The following TAF2 variants were observed in gnomAD, a reference collection of about 807,000 sequenced individuals.
TAF2 encodes the protein TATA-box binding protein associated factor 2.
Under a neutral mutation model 138.5 loss-of-function variants are expected in TAF2, and 61 were observed. The ratio of observed to expected loss-of-function variants is 0.44; its 90% CI spans 0.36 to 0.54. The LOEUF (loss-of-function observed/expected upper bound fraction) is 0.54, where lower values mean the gene tolerates loss of function less well. Among genes scored for constraint, TAF2 ranks in the 20% least tolerant of loss-of-function variants. The probability of loss-of-function intolerance (pLI) is 0.00; values close to 1 mark genes in which losing one functional copy is unlikely to be tolerated. For synonymous variants in TAF2, 475 were observed against 469.9 expected (o/e 1.01, Z -0.14); for missense variants, 1,090 against 1,427.9 (o/e 0.76, Z 3.81).
chr8:119,805,177 G>A (rs938514209), intron 4 of TAF2, among the ~76,000 whole-genome samples: 2 of 152,134 alleles, frequency 1.3e-5, no homozygotes, highest in Non-Finnish European at 2.9e-5. Context: ...AAGACACAAA[G>A]AAGGTTTAAA....
At chr8:119,784,389 T>C (rs1822879316) in intron 15 of TAF2, among the ~76,000 whole-genome samples, 1 of 152,062 alleles carries the variant, frequency 6.6e-6, no homozygotes, top group Non-Finnish European at 1.5e-5. Flanking sequence ...ACCCCATCTC[T>C]ACTAACAATA....
intron 10 of TAF2, among the ~76,000 whole-genome samples, chr8:119,792,483 G>A (rs1241236684): frequency 1.3e-5 from 2 of 152,076 alleles, no homozygotes; most frequent in Non-Finnish European, 2.9e-5. Flanking sequence ...ATACCTAGAA[G>A]AATTGCTGGA....
intron 25 of TAF2, among the ~76,000 whole-genome samples, chr8:119,732,962 T>C (rs1168925390): frequency 2.0e-5 from 3 of 152,148 alleles, no homozygotes. Context: ...AGCCCATTTA[T>C]ATGTGAACTT....
intron 17 of TAF2, among the ~76,000 whole-genome samples, chr8:119,779,219 G>A (rs1329506308): frequency 1.4e-5 from 2 of 146,184 alleles, no homozygotes; most frequent in Admixed American, 6.9e-5. Context: ...GTAGCTAACA[G>A]GAAAAAATAC....
chr8:119,810,994 G>T (rs1825014973), intron 3 of TAF2, among the ~76,000 whole-genome samples: 1 of 152,086 alleles, frequency 6.6e-6, no homozygotes, highest in African/African-American at 2.4e-5. Flanking sequence ...CAAATCAAAT[G>T]TTTTCTTTCA....
At chr8:119,781,024 C>T (rs776725973) in intron 17 of TAF2, 29 bp downstream of exon 17, 2 of 1,598,822 alleles carry the variant, frequency 1.3e-6, no homozygotes, top group African/African-American at 2.7e-5. Context: ...TATATAAAAA[C>T]CATGAGAAAA....
At position 119,762,573 on chromosome 8, in the gene TAF2, A is replaced by T. The variant is rs760788674; in HGVS notation, c.2400T>A (p.Asp800Glu). 6.2e-7 allele frequency: 1 copy of T among 1,613,664 alleles called. No individual in the cohort carries two copies. Among genetic ancestry groups the T allele is most frequent in the Admixed American group, 1.7e-5 (1 of 60,022 alleles). ...CAGGTGTAACAGAGTTGGCCAGGGCATCAATCATTTCTGCACGATAATAGT... is the reference window on the plus strand; with the variant it reads ...CAGGTGTAACAGAGTTGGCCAGGGCTTCAATCATTTCTGCACGATAATAGT... The part of the protein sequence containing the change: ...SDNYYRAEMI[D>E]ALANSVTPAV... Residue 800 changes from aspartate (D) to glutamate (E), a missense_variant, in exon 19 of 26, where the codon GAT (aspartate) becomes GAA (glutamate). Coordinates refer to ENST00000378164, the MANE Select transcript of TAF2 (RefSeq NM_003184.4).
Position 119,758,085 on chromosome 8 carries a change from A to G in TAF2, c.2756T>C (p.Val919Ala). The stretch of plus-strand genomic sequence containing the variant: ...CACATAAACTAACCTTACATAGGGT[A>G]CAGGGTCATTCTGAATCATATTAAG... ...WLLNMIQNDP[V>A]PYVRHKILNM... The change falls in exon 21 of 26, where the codon GTA becomes GCA. Residue 919 changes from valine (V) to alanine (A), a missense_variant. Around this residue, in one of 3 missense-constraint regions of TAF2, gnomAD observed 580 missense variants for 719.6 expected, o/e 0.81. Coordinates refer to ENST00000378164, the MANE Select transcript of TAF2 (RefSeq NM_003184.4). 1 of 1,613,360 alleles carries G rather than the reference A, an allele frequency of 6.2e-7. No individual in the cohort carries two copies. Among genetic ancestry groups the G allele is most frequent in the Non-Finnish European group, 8.5e-7 (1 of 1,179,588 alleles).
chr8:119,797,525 A>G (rs1228756963), intron 7 of TAF2, 137 bp downstream of exon 7: 1 of 893,620 alleles, frequency 1.1e-6, no homozygotes, highest in Non-Finnish European at 1.7e-6. Flanking sequence ...TTTTAAAACC[A>G]AATTTTGTAC....
At chr8:119,746,140 G>A (rs994991184) in intron 23 of TAF2, among the ~76,000 whole-genome samples, 2 of 152,034 alleles carry the variant, frequency 1.3e-5, no homozygotes, top group Non-Finnish European at 1.5e-5. Context: ...GGGAGGCCAC[G>A]GTGGGTGGAT....
rs58444614 is a variant in TAF2, at chr8:119,745,795, A to ATGTGTGTGTG, written c.3108+900_3108+909dup. Among the ~76,000 whole-genome samples the ATGTGTGTGTG allele has an allele frequency of 1.5e-4, 22 of 143,566 alleles. 1 individual carries two copies. Among genetic ancestry groups the ATGTGTGTGTG allele is most frequent in the East Asian group, 6.5e-4 (3 of 4,606 alleles). The allele number at this position is 143,566 out of a possible 152,430, so 94.2% of individuals were successfully genotyped here. A position where few individuals can be genotyped will look rare whatever the true frequency, so the allele number is the denominator to read the frequency against. The stretch of plus-strand genomic sequence containing the variant: ...TAAAAGCTTCTCTAAAGGCAAACGA[A>ATGTGTGTGTG]TGTGTGTGTGTGTGTGTGTGTGTGT... On this transcript the variant is annotated intron_variant, in intron 23 of 25. Coordinates refer to ENST00000378164, the MANE Select transcript of TAF2 (RefSeq NM_003184.4).
chr8:119,830,840 T>C (rs533618796), intron 2 of TAF2, among the ~76,000 whole-genome samples: 16 of 152,216 alleles, frequency 1.1e-4, no homozygotes, highest in Non-Finnish European at 1.8e-4. Context: ...GTGCAGTGGT[T>C]CATGCCTGTA....
Position 119,760,608 on chromosome 8 carries a change from A to C in TAF2, c.2689T>G (p.Tyr897Asp). 6.2e-7 allele frequency: 1 copy of C among 1,613,312 alleles called. No homozygotes were observed. The highest frequency in any genetic ancestry group is 8.5e-7 in the Non-Finnish European group (1 of 1,179,910). Residue 897 changes from tyrosine to aspartate, a missense_variant, in exon 20 of 26, where the codon TAT becomes GAT. Physicochemically the swap from Tyr to Asp is radical, Grantham distance 160. Around this residue, in one of 3 missense-constraint regions of TAF2, gnomAD observed 580 missense variants for 719.6 expected, o/e 0.81. Coordinates refer to ENST00000378164, the MANE Select transcript of TAF2 (RefSeq NM_003184.4). ...ATTTCTAAAGTATTACCTTTAGTAT[A>C]ATCAACAACTGCTTCCAAAGCTGCT... ...RIAALEAVVD[Y>D]TKVDRSYEEL...
chr8:119,776,651 T>G (rs1822266631), intron 18 of TAF2, among the ~76,000 whole-genome samples: 1 of 151,966 alleles, frequency 6.6e-6, no homozygotes, highest in South Asian at 2.1e-4. Context: ...ATCGCGCCAC[T>G]GCACTCCAGC....
Position 119,762,460 on chromosome 8 carries a change from T to C in TAF2, c.2513A>G (p.Asn838Ser). The change falls in exon 19 of 26, where the codon AAT becomes AGT. Residue 838 changes from asparagine to serine, a missense_variant. Physicochemically the swap from Asn to Ser is conservative, Grantham distance 46. Around this residue, in one of 3 missense-constraint regions of TAF2, gnomAD observed 580 missense variants for 719.6 expected, o/e 0.81. Transcript: ENST00000378164. ...GTAACTCGGAAGAAGTTTTTCCATA[T>C]TCAAAAATCTGGTGATTTCTTCAAG... is the stretch of plus-strand genomic sequence containing the variant. ...LILEEITRFL[N>S]MEKLLPSYRH... 6.2e-7 allele frequency: 1 copy of C among 1,613,998 alleles called. No individual in the cohort carries two copies.
At chr8:119,732,438 A>C (rs1321902695) in intron 25 of TAF2, among the ~76,000 whole-genome samples, 3 of 152,200 alleles carry the variant, frequency 2.0e-5, no homozygotes, top group African/African-American at 7.2e-5. Context: ...TGTGTTACCA[A>C]ATCATCTTTT....
chr8:119,782,174 A>G (rs1437913426), intron 16 of TAF2, among the ~76,000 whole-genome samples: 1 of 152,176 alleles, frequency 6.6e-6, no homozygotes, highest in Non-Finnish European at 1.5e-5. Context: ...AATTTTAAAT[A>G]AGGTTTTTCA....
intron 18 of TAF2, among the ~76,000 whole-genome samples, chr8:119,776,637 C>T (rs935735002): frequency 6.6e-5 from 10 of 151,692 alleles, no homozygotes; most frequent in Admixed American, 4.6e-4. Context: ...TGCAGTGAGC[C>T]GAGATCGCGC....
At chr8:119,800,834 C>A (rs192310491) in intron 6 of TAF2, among the ~76,000 whole-genome samples, 2 of 152,082 alleles carry the variant, frequency 1.3e-5, no homozygotes, top group Admixed American at 6.6e-5. Context: ...TGGAGATATA[C>A]GTGGTCAAAT....
Sources: allele counts gnomAD v4.1 joint callset (sites outside exome capture counted in the v4.1 genomes callset), GRCh38; gene constraint gnomAD v4.1.1; regional missense constraint gnomAD v4.1.1; transcripts MANE v1.5; gene names NCBI Gene and HGNC (gene_info 2026-07-23, HGNC 2026-07-21).